Variants in NCK1 observed in about 807,000 individuals in gnomAD.
The protein encoded by NCK1 is NCK adaptor protein 1.
A neutral mutation model predicts 36.6 loss-of-function variants in NCK1; 19 were observed. The observed-to-expected ratio is 0.52, with a 90% CI of 0.36 to 0.76. The LOEUF (loss-of-function observed/expected upper bound fraction) is 0.76, where lower values mean the gene tolerates loss of function less well. Ranked by LOEUF, NCK1 falls within the 30% of genes least tolerant of loss-of-function variation. The pLI, the probability that NCK1 is intolerant of heterozygous loss-of-function variation, is 0.00. For missense variants in NCK1, 358 were observed against 445.6 expected, an observed-to-expected ratio of 0.80 and a Z score of 1.77; for synonymous variants, 165 against 156.0, an observed-to-expected ratio of 1.06 and a Z score of -0.43.
At chr3:136,878,796 C>A (rs567081329) in intron 1 of NCK1, among the ~76,000 whole-genome samples, 1 of 152,166 alleles carries the variant, frequency 6.6e-6, no homozygotes, top group African/African-American at 2.4e-5. Context: ...AGCAAGAAGA[C>A]TGACTATTGT....
At chr3:136,882,077 T>G (rs1938956268) in intron 1 of NCK1, among the ~76,000 whole-genome samples, 2 of 152,200 alleles carry the variant, frequency 1.3e-5, no homozygotes, top group Non-Finnish European at 2.9e-5. Flanking sequence ...TAAACTATTT[T>G]TTATCTTTTG....
At chr3:136,882,872 GTC>G (rs1191888300) in intron 1 of NCK1, among the ~76,000 whole-genome samples, 1 of 152,148 alleles carries the variant, frequency 6.6e-6, no homozygotes, top group Non-Finnish European at 1.5e-5. Context: ...AATACTAGCA[GTC>G]TCTTTCACAG....
Position 136,919,145 on chromosome 3 carries a change from G to A in NCK1, c.-18-8839G>A, listed in dbSNP as rs541605925. Among the ~76,000 whole-genome samples the A allele has an allele frequency of 1.3e-4, 20 of 152,250 alleles. 1 individual carries two copies. In the South Asian group the frequency reaches 2.9e-3, roughly 22 times the overall value. ...TCTGGAAAAGGCAAAACTACATAGG[G>A]ACAGAAAATAGATCAATAGTTGTCA... On this transcript the variant is annotated intron_variant, in intron 1 of 3. Coordinates refer to ENST00000481752, the MANE Select transcript of NCK1 (RefSeq NM_001291999.2).
rs1425855826 is a variant in NCK1 at position 136,888,435 on chromosome 3, G to A, written c.-19+26082G>A. On this transcript the variant is annotated intron_variant, in intron 1 of 3. Coordinates refer to ENST00000481752, the MANE Select transcript of NCK1 (RefSeq NM_001291999.2). Reference sequence around the variant, plus strand: ...TTTTTTTTTTTTGAGACGGAGTCTCGCTGTGTCACCAGGGTGGAGTGCAGT... The same window carrying A: ...TTTTTTTTTTTTGAGACGGAGTCTCACTGTGTCACCAGGGTGGAGTGCAGT... Among the ~76,000 whole-genome samples the A allele has an allele frequency of 2.7e-5, 4 of 150,234 alleles. No individual in the cohort carries two copies. The South Asian group carries it at 6.3e-4, about 24-fold the overall frequency.
intron 2 of NCK1, among the ~76,000 whole-genome samples, chr3:136,934,759 C>T (rs1005174325): frequency 5.9e-5 from 9 of 152,080 alleles, no homozygotes; most frequent in Non-Finnish European, 1.0e-4. Context: ...CAACCAGTAG[C>T]GGAACTAAAA....
chr3:136,907,151 C>T (rs2108107123), intron 1 of NCK1, among the ~76,000 whole-genome samples: 1 of 152,276 alleles, frequency 6.6e-6, no homozygotes, highest in South Asian at 2.1e-4. Context: ...CCTGCTGCTG[C>T]AGCAGCTATT....
At chr3:136,919,688 G>T (rs918638083) in intron 1 of NCK1, among the ~76,000 whole-genome samples, 2 of 152,086 alleles carry the variant, frequency 1.3e-5, no homozygotes, top group African/African-American at 4.8e-5. Context: ...ATGACACAAA[G>T]TTTGTCAAAT....
At chr3:136,876,508 G>C (rs1324052634) in intron 1 of NCK1, among the ~76,000 whole-genome samples, 1 of 151,788 alleles carries the variant, frequency 6.6e-6, no homozygotes, top group Non-Finnish European at 1.5e-5. Flanking sequence ...ACCATACTTT[G>C]TTTTCTAGCT....
chr3:136,870,040 TTTTTTTTTTTA>T (rs1183160003), intron 1 of NCK1, among the ~76,000 whole-genome samples: 1 of 137,102 alleles, frequency 7.3e-6, no homozygotes, highest in Non-Finnish European at 1.7e-5. Flanking sequence ...TTTTTTTTTT[TTTTTTTTTTTA>T]AAAGAATCAT....
chr3:136,928,861 TAAAAAAAAAAAA>T (rs755770014), intron 2 of NCK1: 1 of 119,688 alleles, frequency 8.4e-6, no homozygotes, highest in Admixed American at 8.7e-5. Flanking sequence ...GCCTCTTCTT[TAAAAAAAAAAAA>T]AAAAAAAAAA....
At chr3:136,932,413 G>A (rs1369474506) in intron 2 of NCK1, among the ~76,000 whole-genome samples, 2 of 152,162 alleles carry the variant, frequency 1.3e-5, no homozygotes, top group Non-Finnish European at 2.9e-5. Flanking sequence ...AGAGTATTAT[G>A]TGCTTTTTGT....
chr3:136,947,265 CTGTT>C (rs1009022043), intron 3 of NCK1, among the ~76,000 whole-genome samples: 6 of 152,052 alleles, frequency 3.9e-5, no homozygotes, highest in Admixed American at 3.9e-4. Context: ...ATCTGGCTCA[CTGTT>C]TGAAACTTTG....
chr3:136,863,962 G>C (rs929521750), intron 1 of NCK1, among the ~76,000 whole-genome samples: 6 of 151,698 alleles, frequency 4.0e-5, no homozygotes, highest in Admixed American at 2.0e-4. Flanking sequence ...GTAGCCGGGC[G>C]TGGTGGCGGG....
At chr3:136,923,559 CAAATAAATAAATAAAT>C (rs71134421) in intron 1 of NCK1, among the ~76,000 whole-genome samples, 1 of 145,596 alleles carries the variant, frequency 6.9e-6, no homozygotes, top group African/African-American at 2.6e-5. Context: ...GACTCCGTCT[CAAATAAATAAATAAAT>C]AAATAAATAA....
At chr3:136,909,745 A>G (rs565770881) in intron 1 of NCK1, among the ~76,000 whole-genome samples, 1 of 152,280 alleles carries the variant, frequency 6.6e-6, no homozygotes, top group Non-Finnish European at 1.5e-5. Flanking sequence ...TTTGCTTTAT[A>G]TATTTTGATG....
At position 136,928,110 on chromosome 3, in the gene NCK1, T is replaced by A; in HGVS notation, c.109T>A (p.Ser37Thr). The A allele has an allele frequency of 6.2e-7, 1 of 1,614,152 alleles. No individual in the cohort carries two copies. Among genetic ancestry groups the A allele is most frequent in the Non-Finnish European group, 8.5e-7 (1 of 1,180,030 alleles). ...ATTATGGCTTCTGGATGATTCTAAG[T>A]CCTGGTGGCGAGTTCGAAATTCCAT... ...ERLWLLDDSK[S>T]WWRVRNSMNK... Residue 37 changes from serine to threonine, a missense_variant, in exon 2 of 4, where the codon TCC becomes ACC. By Grantham distance (58) the Ser-to-Thr change is moderately conservative (BLOSUM62 1). Transcript: ENST00000481752.
intron 1 of NCK1, among the ~76,000 whole-genome samples, chr3:136,883,662 T>C (rs2108080351): frequency 6.6e-6 from 1 of 152,322 alleles, no homozygotes; most frequent in East Asian, 1.9e-4. Context: ...TAGGATACAT[T>C]AGTCATTCAG....
chr3:136,874,021 A>G (rs543120681), intron 1 of NCK1, among the ~76,000 whole-genome samples: 8 of 152,272 alleles, frequency 5.3e-5, no homozygotes, highest in Admixed American at 2.6e-4. Context: ...TGTGAGATTC[A>G]TTTATGATGT....
intron 1 of NCK1, among the ~76,000 whole-genome samples, chr3:136,897,155 C>G (rs1939411125): frequency 6.6e-6 from 1 of 152,088 alleles, no homozygotes; most frequent in South Asian, 2.1e-4. Flanking sequence ...GTGGTGTGAT[C>G]TTAGCTCACT....
Sources: gnomAD v4.1 joint callset for allele counts (sites outside exome capture counted in the v4.1 genomes callset) on GRCh38, gnomAD v4.1.1 for gene constraint, MANE v1.5 for transcripts, NCBI Gene and HGNC (gene_info 2026-07-23, HGNC 2026-07-21) for gene names.